The following NCAM1 variants were observed in gnomAD, a reference collection of about 807,000 sequenced individuals.
NCAM1 encodes antigen recognized by monoclonal antibody 5.1H11.
Under a neutral mutation model 109.8 loss-of-function variants are expected in NCAM1, and 14 were observed. That is an observed-to-expected ratio of 0.13 (90% CI 0.08 to 0.20). NCAM1 has a LOEUF of 0.20. Among genes scored for constraint, NCAM1 ranks in the 10% least tolerant of loss-of-function variants. The pLI is 1.00. For missense variants in NCAM1, 774 were observed against 1,109.9 expected, an observed-to-expected ratio of 0.70 and a Z score of 4.30; for synonymous variants, 418 against 442.9, an observed-to-expected ratio of 0.94 and a Z score of 0.70.
intron 1 of NCAM1, among the ~76,000 whole-genome samples, chr11:113,034,326 G>C (rs533334468): frequency 1.3e-5 from 2 of 152,126 alleles, no homozygotes; most frequent in African/African-American, 4.8e-5. Flanking sequence ...ACTTGGTACG[G>C]AGATTTAAAA....
At chr11:113,275,243 T>C in intron 19 of NCAM1, 24 bp from the exon 20 acceptor site, 1 of 1,613,068 alleles carries the variant, frequency 6.2e-7, no homozygotes, top group Non-Finnish European at 8.5e-7. Flanking sequence ...GTCTCAGTGG[T>C]TCTGTTTTCC....
In NCAM1 at chr11:113,273,479, G is replaced by A. The variant is rs1342343657; in HGVS notation, c.2456+1603G>A. On this transcript the variant is annotated intron_variant, in intron 19 of 19. Coordinates refer to ENST00000316851, the MANE Select transcript of NCAM1 (RefSeq NM_181351.5). The surrounding 1 kb of genome is among the most constrained non-coding windows in gnomAD (Gnocchi z 6.0). The stretch of plus-strand genomic sequence containing the variant: ...AAGGCCCGGACCCGGAGCCCACCCA[G>A]CCCGGAGCCGCGAAGAGCCCGGCCG... 2 of 337,520 alleles carry A rather than the reference G, an allele frequency of 5.9e-6. No individual in the cohort carries two copies. Among genetic ancestry groups the A allele is most frequent in the African/African-American group, 2.2e-5 (1 of 46,064 alleles). The allele number at this position is 337,520 out of a possible 1,614,324, so 20.9% of individuals were successfully genotyped here.
chr11:112,998,922 C>T lies in NCAM1; in HGVS notation c.52+37258C>T, dbSNP rs931987117. Among the ~76,000 whole-genome samples the T allele has an allele frequency of 7.2e-5, 11 of 152,274 alleles. No individual in the cohort carries two copies. In the South Asian group the frequency reaches 1.9e-3, roughly 26 times the overall value. ...TAAAAACAAAGCTAAAGAGTTTCCT[C>T]TATACTTCAAAGACACATGACCATC... is the stretch of plus-strand genomic sequence containing the variant. On this transcript the variant is annotated intron_variant, in intron 1 of 19. Coordinates refer to ENST00000316851, the MANE Select transcript of NCAM1 (RefSeq NM_181351.5).
chr11:113,275,608 C>G lies in NCAM1; in HGVS notation c.*221C>G. ...GTTTATAGAAAGGGTCCCTTTGTTG[C>G]ACACTCACTTGTAAGAAAATGAGAC... On this transcript the variant is annotated 3_prime_UTR_variant, in exon 20 of 20. Coordinates refer to ENST00000316851, the MANE Select transcript of NCAM1 (RefSeq NM_181351.5). 4.1e-6 allele frequency: 2 copies of G among 492,320 alleles called. No individual in the cohort carries two copies. The highest frequency in any genetic ancestry group is 7.6e-5 in the South Asian group (2 of 26,148). The allele number at this position is 492,320 out of a possible 1,614,324, so 30.5% of individuals were successfully genotyped here. A position where few individuals can be genotyped will look rare whatever the true frequency, so the allele number is the denominator to read the frequency against.
intron 1 of NCAM1, among the ~76,000 whole-genome samples, chr11:112,991,953 C>A (rs1212726797): frequency 1.3e-5 from 2 of 152,056 alleles, no homozygotes; most frequent in Non-Finnish European, 2.9e-5. Context: ...TTTATTAAGT[C>A]TTTAAGGCAT....
At chr11:113,202,261 C>A in intron 1 of NCAM1, 118 bp from the exon 2 acceptor site, 2 of 1,029,446 alleles carry the variant, frequency 1.9e-6, no homozygotes, top group Admixed American at 2.6e-5. Context: ...AGTTGGGAAG[C>A]CTATTTTTGA....
At chr11:113,252,405 CAA>C (rs58848352) in intron 15 of NCAM1, among the ~76,000 whole-genome samples, 47 of 84,686 alleles carry the variant, frequency 5.5e-4, no homozygotes, top group Middle Eastern at 7.4e-3. Flanking sequence ...GACCCTGTCT[CAA>C]AAAAAAAAAA....
intron 1 of NCAM1, among the ~76,000 whole-genome samples, chr11:113,099,209 C>T (rs1939748168): frequency 6.6e-6 from 1 of 152,050 alleles, no homozygotes; most frequent in Non-Finnish European, 1.5e-5. Flanking sequence ...GTTGAGGAGT[C>T]CATGATTTTA....
intron 16 of NCAM1, among the ~76,000 whole-genome samples, chr11:113,259,861 G>A (rs1277816126): frequency 4.6e-5 from 7 of 151,802 alleles, no homozygotes; most frequent in Non-Finnish European, 7.4e-5. Context: ...GTGGCACCAC[G>A]CCCAGCTAAT....
chr11:113,270,668 G>C (rs782621051), intron 18 of NCAM1: 1 of 493,050 alleles, frequency 2.0e-6, no homozygotes. Flanking sequence ...AGGTCAAAAT[G>C]AGGGAAATTG....
chr11:113,240,248 G>C (rs782460895), intron 14 of NCAM1, among the ~76,000 whole-genome samples: 7 of 152,210 alleles, frequency 4.6e-5, no homozygotes, highest in Non-Finnish European at 1.0e-4. Flanking sequence ...TCATACACTA[G>C]TACACATTAG....
chr11:113,144,299 C>A (rs1555100996), intron 1 of NCAM1, among the ~76,000 whole-genome samples: 1 of 152,110 alleles, frequency 6.6e-6, no homozygotes, highest in Non-Finnish European at 1.5e-5. Context: ...GACCCTCGGC[C>A]GTTACAGTCT....
chr11:113,100,425 T>C (rs782371974), intron 1 of NCAM1, among the ~76,000 whole-genome samples: 4 of 152,122 alleles, frequency 2.6e-5, no homozygotes, highest in Admixed American at 6.5e-5. Context: ...ATGACAGCCT[T>C]TTACACCTTG....
intron 1 of NCAM1, among the ~76,000 whole-genome samples, chr11:113,129,651 A>C (rs1398972354): frequency 6.6e-6 from 1 of 152,120 alleles, no homozygotes; most frequent in Admixed American, 6.6e-5. Flanking sequence ...ATCTTTCTCT[A>C]CTCATGCCAT....
chr11:113,084,194 T>C (rs1047864840), intron 1 of NCAM1, among the ~76,000 whole-genome samples: 1 of 152,102 alleles, frequency 6.6e-6, no homozygotes, highest in Non-Finnish European at 1.5e-5. Context: ...ATACAGACTT[T>C]AAGGAGGCGC....
At chr11:113,098,686 G>C (rs1219876814) in intron 1 of NCAM1, among the ~76,000 whole-genome samples, 2 of 152,164 alleles carry the variant, frequency 1.3e-5, no homozygotes. Flanking sequence ...CTTGAGGAGG[G>C]ACATTAAATC....
intron 1 of NCAM1, among the ~76,000 whole-genome samples, chr11:113,137,074 G>A (rs192385880): frequency 1.3e-5 from 2 of 152,290 alleles, no homozygotes; most frequent in African/African-American, 4.8e-5. Flanking sequence ...AAATAGGTAT[G>A]GGATACAGAG....
At chr11:113,194,924 G>C (rs888855891) in intron 1 of NCAM1, among the ~76,000 whole-genome samples, 1 of 152,202 alleles carries the variant, frequency 6.6e-6, no homozygotes, top group African/African-American at 2.4e-5. Flanking sequence ...GAATGAGATA[G>C]AATTCTTGGG....
rs539756206 is a variant in NCAM1 at position 113,177,621 on chromosome 11, T to C, written c.53-24758T>C. Among the ~76,000 whole-genome samples the C allele has an allele frequency of 1.8e-4, 27 of 152,192 alleles. No individual in the cohort carries two copies. The East Asian group carries it at 5.0e-3, about 28-fold the overall frequency. On this transcript the variant is annotated intron_variant, in intron 1 of 19. Coordinates refer to ENST00000316851, the MANE Select transcript of NCAM1 (RefSeq NM_181351.5). ...GCTAATTTTGTATTTTTAGTAGAGA[T>C]GGGGTTTCATCATGTTGGTCAGGCT...
Sources: gnomAD v4.1 joint callset for allele counts (sites outside exome capture counted in the v4.1 genomes callset) on GRCh38, gnomAD v4.1.1 for gene constraint, Gnocchi (gnomAD v3.1) non-coding constraint, MANE v1.5 for transcripts, NCBI Gene and HGNC (gene_info 2026-07-23, HGNC 2026-07-21) for gene names.